The following ARPC5L variants were observed in gnomAD, a reference collection of about 807,000 sequenced individuals.
ARPC5L encodes the protein actin related protein 2/3 complex subunit 5 like, also known as actin-related protein 2/3 complex subunit 5-like protein.
In ARPC5L, 4 loss-of-function variants were observed where a neutral mutation model predicts 16.9. That is an observed-to-expected ratio of 0.24 (90% CI 0.12 to 0.54). The LOEUF is 0.54. Ranked by LOEUF, ARPC5L falls within the 20% of genes least tolerant of loss-of-function variation. The pLI is 0.95. For synonymous variants in ARPC5L, 78 were observed against 82.6 expected (o/e 0.94, Z 0.30); for missense variants, 151 against 201.9 (o/e 0.75, Z 1.53).
chr9:124,872,723 G>A (rs1258338161), intron 3 of ARPC5L: 1 of 152,332 alleles, frequency 6.6e-6, no homozygotes, highest in Non-Finnish European at 1.5e-5. Flanking sequence ...GAGTGTGGAA[G>A]GTGGATCAGA....
chr9:124,866,558 C>T lies in ARPC5L; in HGVS notation c.-863-1870C>T, dbSNP rs1314618324. Reference sequence around the variant, plus strand: ...CCAACATGGAGAAACCCCGTTTCTACTAAAAATACAAAATTAGCCAGGCAT... The same window carrying T: ...CCAACATGGAGAAACCCCGTTTCTATTAAAAATACAAAATTAGCCAGGCAT... On this transcript the variant is annotated intron_variant, in intron 2 of 5. Coordinates refer to ENST00000353214, the MANE Select transcript of ARPC5L (RefSeq NM_030978.3). 3.3e-5 allele frequency among the ~76,000 whole-genome samples: 5 copies of T among 151,984 alleles called. No individual in the cohort carries two copies. In the East Asian group the frequency reaches 9.7e-4, roughly 29 times the overall value.
rs1250441082 is a variant in ARPC5L at position 124,877,674 on chromosome 9, G to GTAAT, written c.*740_*743dup. 1 of 152,084 alleles carries GTAAT rather than the reference G, an allele frequency of 6.6e-6. No individual in the cohort carries two copies. The highest frequency in any genetic ancestry group is 1.5e-5 in the Non-Finnish European group (1 of 68,044). 9.4% of individuals were successfully genotyped at this position (152,084 alleles called of 1,614,324 possible). A position where few individuals can be genotyped will look rare whatever the true frequency, so the allele number is the denominator to read the frequency against. On this transcript the variant is annotated 3_prime_UTR_variant, in exon 6 of 6. Transcript: ENST00000353214. ...TGTTTCTTATTCCTTTGATTTGTAT[G>GTAAT]TAATTAATTTTGGAGCTTATTTAAT...
chr9:124,873,999 C>T lies in ARPC5L; in HGVS notation c.222+235C>T, dbSNP rs143146932. 8.6e-3 allele frequency among the ~76,000 whole-genome samples: 1,314 copies of T among 152,318 alleles called. 51 individuals are homozygous for T. The highest frequency in any genetic ancestry group is 0.066 in the Admixed American group (1,010 of 15,296). On this transcript the variant is annotated intron_variant, in intron 4 of 5. Transcript: ENST00000353214. ...AAGCCTTCACTCCTGCTCACGGCCT[C>T]GTAGGCTGAGAAGTCAGCCTGGCCC...
At chr9:124,866,130 G>A (rs374347455) in intron 2 of ARPC5L, among the ~76,000 whole-genome samples, 3 of 151,648 alleles carry the variant, frequency 2.0e-5, no homozygotes, top group Non-Finnish European at 4.4e-5. Flanking sequence ...CAGGTCAGGC[G>A]CAGTGGCTCA....
intron 4 of ARPC5L, among the ~76,000 whole-genome samples, chr9:124,874,473 G>C (rs140132575): frequency 6.6e-6 from 1 of 152,148 alleles, no homozygotes; most frequent in Non-Finnish European, 1.5e-5. Flanking sequence ...CAGGAGGATC[G>C]CTTGAGCTCA....
chr9:124,874,910 G>T, intron 4 of ARPC5L, 65 bp from the exon 5 acceptor site: 3 of 1,594,204 alleles, frequency 1.9e-6, no homozygotes, highest in Non-Finnish European at 2.6e-6. Context: ...CCTTGCTTTG[G>T]TGTGGGGCAT....
At chr9:124,864,429 G>A (rs1468824297) in intron 2 of ARPC5L, among the ~76,000 whole-genome samples, 2 of 151,880 alleles carry the variant, frequency 1.3e-5, no homozygotes, top group East Asian at 1.9e-4. Context: ...GCACAATCTC[G>A]GCTCTCACTG....
rs778173150 is a variant in ARPC5L at position 124,873,644 on chromosome 9, G to A, written c.150-48G>A. 2.2e-5 allele frequency: 36 copies of A among 1,602,608 alleles called. 1 individual carries two copies. In the South Asian group the frequency reaches 3.0e-4, roughly 13 times the overall value. ...TTTCTGAAGTGAGCTTGTTCATGAC[G>A]GCATGGATGTGCTTGAGCCTAGCTA... On this transcript the variant is annotated intron_variant, in intron 3 of 5. Coordinates refer to ENST00000353214, the MANE Select transcript of ARPC5L (RefSeq NM_030978.3).
chr9:124,865,751 C>T (rs1353890760), intron 2 of ARPC5L, among the ~76,000 whole-genome samples: 2 of 151,738 alleles, frequency 1.3e-5, no homozygotes, highest in Non-Finnish European at 2.9e-5. Context: ...CAAGATTGCG[C>T]CACTTCACTC....
At chr9:124,863,194 G>T (rs1829227846) in intron 1 of ARPC5L, among the ~76,000 whole-genome samples, 1 of 151,400 alleles carries the variant, frequency 6.6e-6, no homozygotes, top group African/African-American at 2.4e-5. Context: ...TGGCTCTGTC[G>T]CCTAGGCTGG....
Position 124,869,173 on chromosome 9 carries a change from A to G in ARPC5L, c.-118A>G. 1 of 1,108,266 alleles carries G rather than the reference A, an allele frequency of 9.0e-7. No homozygotes were observed. Among genetic ancestry groups the G allele is most frequent in the East Asian group, 3.3e-5 (1 of 30,256 alleles). The allele number at this position is 1,108,266 out of a possible 1,614,324, so 68.7% of individuals were successfully genotyped here. On this transcript the variant is annotated 5_prime_UTR_variant, in exon 3 of 6. Transcript: ENST00000353214. ...CGGCTGCGCGCGGAGGCGGTGGAGG[A>G]GGTGCTGGGAGCAGCCGGGCAGCCG...
intron 4 of ARPC5L, 109 bp from the exon 5 acceptor site, chr9:124,874,866 T>G (rs1355707077): frequency 7.4e-7 from 1 of 1,347,510 alleles, no homozygotes; most frequent in Admixed American, 1.8e-5. Flanking sequence ...CCTGGACGAA[T>G]TAGAAACTGG....
At chr9:124,873,416 C>T (rs1418136657) in intron 3 of ARPC5L, 4 of 495,394 alleles carry the variant, frequency 8.1e-6, no homozygotes, top group Admixed American at 6.8e-5. Context: ...CAAGTGAGCA[C>T]AATCCAATTT....
At position 124,867,814 on chromosome 9, in the gene ARPC5L, T is replaced by C. The variant is rs530734004; in HGVS notation, c.-863-614T>C. On this transcript the variant is annotated intron_variant, in intron 2 of 5. Coordinates refer to ENST00000353214, the MANE Select transcript of ARPC5L (RefSeq NM_030978.3). ...GAGACTTTTCTTTTCTTTTCTTTTTTTTTTTTTTTTTTGAGACGGAGTTTT... is the reference window on the plus strand; with the variant it reads ...GAGACTTTTCTTTTCTTTTCTTTTTCTTTTTTTTTTTTGAGACGGAGTTTT... Among the ~76,000 whole-genome samples, 800 of 147,906 alleles carry C rather than the reference T, an allele frequency of 5.4e-3. 11 individuals are homozygous for C. Among genetic ancestry groups the C allele is most frequent in the South Asian group, 0.03 (142 of 4,682 alleles).
intron 5 of ARPC5L, 125 bp downstream of exon 5, chr9:124,875,276 C>T: frequency 9.1e-7 from 1 of 1,094,458 alleles, no homozygotes; most frequent in Non-Finnish European, 1.3e-6. Flanking sequence ...GAGGACGAGC[C>T]CCAACCTGGG....
chr9:124,871,332 A>G (rs1342312825), intron 3 of ARPC5L, among the ~76,000 whole-genome samples: 1 of 152,174 alleles, frequency 6.6e-6, no homozygotes, highest in Non-Finnish European at 1.5e-5. Context: ...TTCACAACTC[A>G]GCATCTTCTG....
chr9:124,874,815 T>A (rs947132301), intron 4 of ARPC5L, among the ~76,000 whole-genome samples, 160 bp from the exon 5 acceptor site: 3 of 152,214 alleles, frequency 2.0e-5, no homozygotes, highest in African/African-American at 7.2e-5. Flanking sequence ...CTTTGAAATT[T>A]AAATCCACAA....
At chr9:124,876,815 AAGCCAGGCTCCCCTTGGCC>A in intron 5 of ARPC5L, 44 bp from the exon 6 acceptor site, 1 of 1,402,798 alleles carries the variant, frequency 7.1e-7, no homozygotes, top group Non-Finnish European at 9.9e-7. Context: ...TGTCTCTGGC[AAGCCAGGCTCCCCTTGGCC>A]AGCCAGGTCT....
chr9:124,871,905 A>T (rs1371940013), intron 3 of ARPC5L, among the ~76,000 whole-genome samples: 1 of 152,142 alleles, frequency 6.6e-6, no homozygotes, highest in Non-Finnish European at 1.5e-5. Flanking sequence ...TTGTGCCGTG[A>T]TTGAGGAAGA....
Sources: gnomAD v4.1 joint callset for allele counts (sites outside exome capture counted in the v4.1 genomes callset) on GRCh38, gnomAD v4.1.1 for gene constraint, MANE v1.5 for transcripts, NCBI Gene and HGNC (gene_info 2026-07-23, HGNC 2026-07-21) for gene names.